The following ENTREP2 variants were observed in gnomAD, a reference collection of about 807,000 sequenced individuals.
ENTREP2 encodes protein ENTREP2.
At chr15:29,549,286 T>TTTG in the ENTREP2 span, among the ~76,000 whole-genome samples, 1 of 151,956 alleles carries the variant, frequency 6.6e-6, no homozygotes, top group Non-Finnish European at 1.5e-5. Context: ...TTTTTTTTTT[T>TTTG]TGAGACGGAG....
chr15:29,395,118 G>T, the ENTREP2 span, among the ~76,000 whole-genome samples: 1 of 151,106 alleles, frequency 6.6e-6, no homozygotes, highest in Admixed American at 6.6e-5. Context: ...TCGATCTCCT[G>T]ATCTCGTGAT....
At chr15:29,233,638 A>T in the ENTREP2 span, 1 of 810,000 alleles carries the variant, frequency 1.2e-6, no homozygotes, top group Non-Finnish European at 2.1e-6. Flanking sequence ...GCGAGAGCTT[A>T]GTTTATGCAC....
At chr15:29,642,389 G>A in the ENTREP2 span, among the ~76,000 whole-genome samples, 4 of 151,096 alleles carry the variant, frequency 2.6e-5, no homozygotes, top group South Asian at 8.4e-4. Flanking sequence ...TTCAATAGGG[G>A]GGAGAGAATA....
the ENTREP2 span, among the ~76,000 whole-genome samples, chr15:29,224,122 T>C: frequency 3.3e-5 from 5 of 152,220 alleles, no homozygotes; most frequent in African/African-American, 1.2e-4. Context: ...GCGTTCACAG[T>C]TTCTTCCTTC....
chr15:29,236,335 T>G, the ENTREP2 span, among the ~76,000 whole-genome samples: 1 of 152,168 alleles, frequency 6.6e-6, no homozygotes. Context: ...ATAATTTGAA[T>G]AGCCCTGTAA....
chr15:29,589,493 T>C, the ENTREP2 span, among the ~76,000 whole-genome samples: 1 of 152,208 alleles, frequency 6.6e-6, no homozygotes, highest in Non-Finnish European at 1.5e-5. Context: ...GGAATCTGCC[T>C]CTGCGTGTCT....
At chr15:29,298,958 A>C in the ENTREP2 span, among the ~76,000 whole-genome samples, 1 of 152,226 alleles carries the variant, frequency 6.6e-6, no homozygotes, top group Non-Finnish European at 1.5e-5. Flanking sequence ...CAAAGATCCT[A>C]AACAAAACTT....
At chr15:29,468,505 G>C in the ENTREP2 span, among the ~76,000 whole-genome samples, 12 of 151,824 alleles carry the variant, frequency 7.9e-5, no homozygotes, top group East Asian at 2.4e-3. Flanking sequence ...AGCTACTTGG[G>C]AGGCTGAGGC....
At chr15:29,547,149 G>A in the ENTREP2 span, among the ~76,000 whole-genome samples, 4 of 150,102 alleles carry the variant, frequency 2.7e-5, no homozygotes, top group South Asian at 2.1e-4. Context: ...GTGCAGTGGC[G>A]CAATTTCGGC....
At chr15:29,490,994 C>T in the ENTREP2 span, among the ~76,000 whole-genome samples, 2 of 152,318 alleles carry the variant, frequency 1.3e-5, no homozygotes, top group African/African-American at 4.8e-5. Context: ...GGCAGCATGG[C>T]GGGCTGCAGA....
At chr15:29,372,827 C>A in the ENTREP2 span, among the ~76,000 whole-genome samples, 1 of 151,968 alleles carries the variant, frequency 6.6e-6, no homozygotes, top group Non-Finnish European at 1.5e-5. Context: ...CCATATCTAG[C>A]AGTGAGGTGG....
At chr15:29,590,411 G>A in the ENTREP2 span, among the ~76,000 whole-genome samples, 10 of 152,214 alleles carry the variant, frequency 6.6e-5, no homozygotes, top group African/African-American at 2.4e-4. Flanking sequence ...GGCCAGGCGC[G>A]GTGGCTCACG....
the ENTREP2 span, among the ~76,000 whole-genome samples, chr15:29,246,714 A>T: frequency 5.8e-4 from 88 of 152,142 alleles, no homozygotes; most frequent in African/African-American, 1.8e-3. Context: ...AAAAAAAAAA[A>T]ATTATTTGCA....
chr15:29,584,255 C>T, the ENTREP2 span, among the ~76,000 whole-genome samples: 2 of 152,104 alleles, frequency 1.3e-5, no homozygotes, highest in African/African-American at 4.8e-5. Flanking sequence ...AAAAAGTGGG[C>T]AAAAGATCTG....
chr15:29,439,320 CACACACACACACAA>C, the ENTREP2 span, among the ~76,000 whole-genome samples: 51 of 150,388 alleles, frequency 3.4e-4, no homozygotes, highest in South Asian at 3.2e-3. Context: ...CACACACACA[CACACACACACACAA>C]ACAGTAGAGG....
chr15:29,303,481 G>A, the ENTREP2 span, among the ~76,000 whole-genome samples: 140 of 151,604 alleles, frequency 9.2e-4, 1 homozygote, highest in African/African-American at 3.3e-3. Flanking sequence ...TTTTTTTTTA[G>A]GTTTAGGGAC....
the ENTREP2 span, among the ~76,000 whole-genome samples, chr15:29,465,991 A>G: frequency 6.6e-6 from 1 of 152,222 alleles, no homozygotes; most frequent in Non-Finnish European, 1.5e-5. Context: ...ATGAACTGCC[A>G]GGTTCATTCA....
chr15:29,192,725 A>C, the ENTREP2 span, among the ~76,000 whole-genome samples: 1 of 152,340 alleles, frequency 6.6e-6, no homozygotes, highest in South Asian at 2.1e-4. Flanking sequence ...AATGCCTTTG[A>C]TAGACAGGGT....
At chr15:29,592,834 AG>A in the ENTREP2 span, among the ~76,000 whole-genome samples, 1 of 152,162 alleles carries the variant, frequency 6.6e-6, no homozygotes, top group Non-Finnish European at 1.5e-5. Context: ...GATGTTCAAA[AG>A]AATGGGCATC....
Sources: gnomAD v4.1 joint callset for allele counts (sites outside exome capture counted in the v4.1 genomes callset) on GRCh38, gnomAD v4.1.1 for gene constraint, MANE v1.5 for transcripts, NCBI Gene and HGNC (gene_info 2026-07-23, HGNC 2026-07-21) for gene names.